NCKAP5: variants seen among roughly 807,000 people sequenced by gnomAD.
NCKAP5 encodes the protein nck-associated protein 5.
Under a neutral mutation model 167.0 loss-of-function variants are expected in NCKAP5, and 92 were observed. The ratio of observed to expected loss-of-function variants is 0.55; its 90% CI spans 0.47 to 0.66. The LOEUF (loss-of-function observed/expected upper bound fraction) is 0.66, where lower values mean the gene tolerates loss of function less well. Among genes scored for constraint, NCKAP5 ranks in the 30% least tolerant of loss-of-function variants. The pLI is 0.00. For missense variants in NCKAP5, 2,378 were observed against 2,315.0 expected, an observed-to-expected ratio of 1.03 and a Z score of -0.56; for synonymous variants, 891 against 877.4, an observed-to-expected ratio of 1.02 and a Z score of -0.27.
At chr2:132,776,182 C>T (rs567404851) in intron 15 of NCKAP5, among the ~76,000 whole-genome samples, 8 of 152,330 alleles carry the variant, frequency 5.3e-5, no homozygotes, top group African/African-American at 1.9e-4. Context: ...CAAAGAACTA[C>T]TCTTTCTTAG....
At chr2:132,922,674 C>T (rs533080796) in intron 8 of NCKAP5, among the ~76,000 whole-genome samples, 1 of 152,134 alleles carries the variant, frequency 6.6e-6, no homozygotes, top group Non-Finnish European at 1.5e-5. Context: ...ATAATTTAAT[C>T]CTCACAAGGG....
intron 4 of NCKAP5, among the ~76,000 whole-genome samples, chr2:133,302,597 C>A (rs1357736385): frequency 9.1e-6 from 1 of 110,302 alleles, no homozygotes; most frequent in South Asian, 3.3e-4. Flanking sequence ...CACATGGACA[C>A]AGGAAGGGGA....
At chr2:132,700,169 A>T (rs1408826511) in intron 19 of NCKAP5, among the ~76,000 whole-genome samples, 1 of 151,938 alleles carries the variant, frequency 6.6e-6, no homozygotes, top group Non-Finnish European at 1.5e-5. Flanking sequence ...TCACTTTTTG[A>T]TGGGGTTGAT....
At chr2:133,379,269 G>A (rs544851606) in intron 3 of NCKAP5, among the ~76,000 whole-genome samples, 6 of 152,214 alleles carry the variant, frequency 3.9e-5, no homozygotes, top group Admixed American at 3.3e-4. Context: ...AAATCCCGAC[G>A]TGCATACCTC....
intron 6 of NCKAP5, among the ~76,000 whole-genome samples, chr2:133,030,591 G>T (rs1341358864): frequency 6.6e-6 from 1 of 152,072 alleles, no homozygotes; most frequent in African/African-American, 2.4e-5. Flanking sequence ...CATTCTGACT[G>T]GTCATTTGGA....
intron 2 of NCKAP5, among the ~76,000 whole-genome samples, chr2:133,535,830 A>T (rs1685719404): frequency 6.6e-6 from 1 of 152,176 alleles, no homozygotes; most frequent in South Asian, 2.1e-4. Context: ...AGTAATAGCC[A>T]TTCTGACTGG....
intron 6 of NCKAP5, among the ~76,000 whole-genome samples, chr2:133,115,802 TA>T (rs2082059029): frequency 9.7e-6 from 1 of 103,426 alleles, no homozygotes; most frequent in African/African-American, 4.6e-5. Context: ...TATATATATA[TA>T]TATATATATA....
chr2:133,234,667 C>T (rs1380963434), intron 4 of NCKAP5, among the ~76,000 whole-genome samples: 1 of 152,038 alleles, frequency 6.6e-6, no homozygotes, highest in Non-Finnish European at 1.5e-5. Context: ...ATGGGCTAAA[C>T]TGTATGCATT....
At chr2:133,448,505 T>A (rs1691350719) in intron 3 of NCKAP5, among the ~76,000 whole-genome samples, 1 of 152,236 alleles carries the variant, frequency 6.6e-6, no homozygotes, top group Non-Finnish European at 1.5e-5. Flanking sequence ...ATGTATGTTC[T>A]TGGTTTGGTT....
At chr2:133,024,866 T>C (rs1225437154) in intron 6 of NCKAP5, among the ~76,000 whole-genome samples, 2 of 152,252 alleles carry the variant, frequency 1.3e-5, no homozygotes, top group African/African-American at 2.4e-5. Flanking sequence ...CTGCCTAGCA[T>C]GTGTGGCTAG....
intron 8 of NCKAP5, among the ~76,000 whole-genome samples, chr2:132,940,720 C>A (rs1390448374): frequency 6.6e-6 from 1 of 151,228 alleles, no homozygotes; most frequent in African/African-American, 2.4e-5. Flanking sequence ...CTTATTTATT[C>A]TTTTTCAAAG....
intron 3 of NCKAP5, among the ~76,000 whole-genome samples, chr2:133,345,356 G>T (rs921948675): frequency 6.6e-6 from 1 of 151,818 alleles, no homozygotes; most frequent in Non-Finnish European, 1.5e-5. Context: ...AAAAAAAAAA[G>T]ATACTCCATT....
chr2:133,179,938 T>C (rs981178230), intron 5 of NCKAP5, among the ~76,000 whole-genome samples: 5 of 148,230 alleles, frequency 3.4e-5, no homozygotes, highest in African/African-American at 5.0e-5. Flanking sequence ...AAAGAATAGA[T>C]AAAAAAAAAA....
chr2:132,976,467 A>C (rs1573610540), intron 7 of NCKAP5, among the ~76,000 whole-genome samples: 1 of 151,308 alleles, frequency 6.6e-6, no homozygotes, highest in Non-Finnish European at 1.5e-5. Flanking sequence ...GGGAGGCTGA[A>C]GCAGGAGAAT....
At chr2:132,727,693 C>T (rs1380894596) in intron 18 of NCKAP5, among the ~76,000 whole-genome samples, 1 of 152,180 alleles carries the variant, frequency 6.6e-6, no homozygotes, top group Non-Finnish European at 1.5e-5. Flanking sequence ...GGCAGCCATC[C>T]CAGGTGCTGC....
chr2:133,026,173 G>T (rs1055737000), intron 6 of NCKAP5, among the ~76,000 whole-genome samples: 1 of 143,200 alleles, frequency 7.0e-6, no homozygotes, highest in African/African-American at 2.6e-5. Flanking sequence ...CATGTATTTT[G>T]CCCACTTTTT....
chr2:133,543,333 C>T (rs1686383798), intron 2 of NCKAP5, among the ~76,000 whole-genome samples: 1 of 152,152 alleles, frequency 6.6e-6, no homozygotes, highest in Admixed American at 6.5e-5. Flanking sequence ...GCTTGTACAA[C>T]CAGCAGAACT....
intron 15 of NCKAP5, among the ~76,000 whole-genome samples, chr2:132,774,392 T>C (rs1345768737): frequency 2.6e-5 from 4 of 152,076 alleles, no homozygotes; most frequent in Non-Finnish European, 5.9e-5. Flanking sequence ...AAGAAGATAA[T>C]TTTTTTTCAT....
chr2:133,371,215 A>C (rs113657557), intron 3 of NCKAP5, among the ~76,000 whole-genome samples: 4 of 152,178 alleles, frequency 2.6e-5, no homozygotes, highest in Admixed American at 6.5e-5. Flanking sequence ...TGTGCAATAA[A>C]CCATCAGTCA....
Sources: allele counts gnomAD v4.1 joint callset (sites outside exome capture counted in the v4.1 genomes callset), GRCh38; gene constraint gnomAD v4.1.1; transcripts MANE v1.5; gene names NCBI Gene and HGNC (gene_info 2026-07-23, HGNC 2026-07-21).